DPRX: variants seen among roughly 807,000 people sequenced by gnomAD.
The protein encoded by DPRX is divergent paired-related homeobox.
Under a neutral mutation model 8.4 loss-of-function variants are expected in DPRX, and 11 were observed. That is an observed-to-expected ratio of 1.31 (90% confidence interval 0.82 to 2.17). DPRX has a LOEUF of 2.17. Ranked by LOEUF, DPRX falls within the 30% of genes most tolerant of loss-of-function variation. The pLI, the probability that DPRX is intolerant of heterozygous loss-of-function variation, is 0.00. For synonymous variants in DPRX, 72 were observed against 87.0 expected (o/e 0.83, Z 0.96); for missense variants, 211 against 236.7 (o/e 0.89, Z 0.71).
the DPRX span, chr19:53,608,148 G>GC: frequency 7.3e-6 from 1 of 137,542 alleles, no homozygotes; most frequent in African/African-American, 2.8e-5. Flanking sequence ...TCCAGCCTGG[G>GC]TGACAGAGTG....
upstream of DPRX, among the ~76,000 whole-genome samples, chr19:53,631,470 G>A (rs1054973879): frequency 7.2e-5 from 11 of 152,048 alleles, no homozygotes; most frequent in Non-Finnish European, 1.0e-4. Context: ...TCCCCATTAC[G>A]GAGCCTGGTC....
chr19:53,630,873 T>C (rs997312713), upstream of DPRX, among the ~76,000 whole-genome samples: 3 of 150,912 alleles, frequency 2.0e-5, no homozygotes, highest in African/African-American at 7.3e-5. Context: ...TGAGATGGAG[T>C]CTCACTCCTG....
chr19:53,601,286 A>G, the DPRX span: 1 of 456,154 alleles, frequency 2.2e-6, no homozygotes, highest in Non-Finnish European at 4.4e-6. Context: ...CAGACTCCAC[A>G]TTGGGCCCAG....
At position 53,633,415 on chromosome 19, in the gene DPRX, A is replaced by G. The variant is rs562004809; in HGVS notation, c.29-1116A>G. 1.2e-3 allele frequency among the ~76,000 whole-genome samples: 176 copies of G among 152,306 alleles called. 2 individuals carry two copies. The highest frequency in any genetic ancestry group is 4.1e-3 in the African/African-American group (171 of 41,564). On this transcript the variant is annotated intron_variant, in intron 1 of 2. Transcript: ENST00000376650. Reference sequence around the variant, plus strand: ...GATAAGAATAAAACCATGTCCATCCATTTCACCTTGGATTGAGTTGCCTAT... The same window carrying G: ...GATAAGAATAAAACCATGTCCATCCGTTTCACCTTGGATTGAGTTGCCTAT...
the DPRX span, among the ~76,000 whole-genome samples, chr19:53,610,416 C>T: frequency 6.6e-6 from 1 of 152,170 alleles, no homozygotes; most frequent in Admixed American, 6.6e-5. Context: ...CTACTCCATT[C>T]ATGTATCAAA....
At chr19:53,636,491 T>A (rs976871697) in intron 2 of DPRX, 105 bp from the exon 3 acceptor site, 1 of 961,050 alleles carries the variant, frequency 1.0e-6, no homozygotes, top group Non-Finnish European at 1.4e-6. Flanking sequence ...TATAAATAAA[T>A]AAAATACGTT....
exon 2 of DPRX, chr19:53,634,599 ATCT>A (rs1568585079): frequency 6.2e-7 from 1 of 1,613,982 alleles, no homozygotes. Context: ...AGATCTGAAC[ATCT>A]TGTTCAATGA....
the DPRX span, among the ~76,000 whole-genome samples, chr19:53,625,351 G>A: frequency 0.017 from 2,619 of 152,112 alleles, 72 homozygotes; most frequent in African/African-American, 0.06. Flanking sequence ...AGCGTGTCTG[G>A]CCCTGATCAC....
chr19:53,636,726 A>T, exon 3 of DPRX: 1 of 1,614,164 alleles, frequency 6.2e-7, no homozygotes, highest in Non-Finnish European at 8.5e-7. Flanking sequence ...AGAAATGCAG[A>T]CACACTACCC....
At chr19:53,617,384 C>A in the DPRX span, 47 of 438,046 alleles carry the variant, frequency 1.1e-4, no homozygotes, top group South Asian at 8.7e-4. Context: ...CATGGTAAAA[C>A]CCCATCCCTA....
chr19:53,618,704 A>G, the DPRX span, among the ~76,000 whole-genome samples: 7 of 118,694 alleles, frequency 5.9e-5, no homozygotes, highest in African/African-American at 9.5e-5. Context: ...TTTTTTTTGG[A>G]CGGAGACTTG....
the DPRX span, among the ~76,000 whole-genome samples, chr19:53,605,638 A>ATATTG: frequency 6.6e-6 from 1 of 151,124 alleles, no homozygotes; most frequent in African/African-American, 2.4e-5. Context: ...CCCATTTTCT[A>ATATTG]TATTGTATTG....
chr19:53,629,440 T>G (rs2091083131), upstream of DPRX, among the ~76,000 whole-genome samples: 9 of 151,612 alleles, frequency 5.9e-5, no homozygotes, highest in South Asian at 1.9e-3. Context: ...TAATGTAATT[T>G]TATTTTAGTT....
chr19:53,636,634 G>A (rs867949523), exon 3 of DPRX: 20 of 1,613,466 alleles, frequency 1.2e-5, no homozygotes, highest in African/African-American at 2.7e-5. Flanking sequence ...TCAAGAAAGC[G>A]AAATGCAAGC....
the DPRX span, among the ~76,000 whole-genome samples, chr19:53,603,031 G>T: frequency 6.6e-6 from 1 of 150,382 alleles, no homozygotes; most frequent in African/African-American, 2.4e-5. Flanking sequence ...ATATGTGTGT[G>T]TGTGTGTATA....
At chr19:53,622,352 A>G in the DPRX span, among the ~76,000 whole-genome samples, 26 of 152,158 alleles carry the variant, frequency 1.7e-4, no homozygotes, top group Non-Finnish European at 2.9e-4. Context: ...AGAGAGAGAG[A>G]GGGGCTGGGC....
chr19:53,621,141 T>A, the DPRX span, among the ~76,000 whole-genome samples: 1 of 151,840 alleles, frequency 6.6e-6, no homozygotes, highest in African/African-American at 2.4e-5. Flanking sequence ...TTATTTTTTA[T>A]TTTTTTTCAG....
the DPRX span, among the ~76,000 whole-genome samples, chr19:53,622,771 T>G: frequency 6.6e-6 from 1 of 152,162 alleles, no homozygotes; most frequent in South Asian, 2.1e-4. Context: ...AATGAAGACA[T>G]CACGCCAGAT....
At chr19:53,603,326 C>T in the DPRX span, 1 of 455,608 alleles carries the variant, frequency 2.2e-6, no homozygotes, top group African/African-American at 2.0e-5. Flanking sequence ...GTTCAAAACA[C>T]CCCGCGGAGA....
Sources: gnomAD v4.1 joint callset for allele counts (sites outside exome capture counted in the v4.1 genomes callset) on GRCh38, gnomAD v4.1.1 for gene constraint, MANE v1.5 for transcripts, NCBI Gene and HGNC (gene_info 2026-07-23, HGNC 2026-07-21) for gene names.